CCDC88A: variants seen among roughly 807,000 people sequenced by gnomAD.
CCDC88A encodes coiled-coil and HOOK domain protein 88A.
Under a neutral mutation model 234.3 loss-of-function variants are expected in CCDC88A, and 54 were observed. That is an observed-to-expected ratio of 0.23 (90% CI 0.19 to 0.29). CCDC88A has a LOEUF of 0.29. CCDC88A is among the 10% of genes least tolerant of loss of function. The probability of loss-of-function intolerance (pLI) is 1.00; values close to 1 mark genes in which losing one functional copy is unlikely to be tolerated. For missense variants in CCDC88A, 1,832 were observed against 2,123.4 expected (o/e 0.86, Z 2.70); for synonymous variants, 753 against 737.8 (o/e 1.02, Z -0.33).
At chr2:55,327,809 C>G (rs1357267798) in intron 17 of CCDC88A, among the ~76,000 whole-genome samples, 1 of 152,222 alleles carries the variant, frequency 6.6e-6, no homozygotes, top group African/African-American at 2.4e-5. Flanking sequence ...ACTTACTTCA[C>G]TGAATACTTT....
In CCDC88A at chr2:55,394,840, T is replaced by C. The variant is rs1236515970; in HGVS notation, c.165-5954A>G. 2.6e-5 allele frequency among the ~76,000 whole-genome samples: 4 copies of C among 151,086 alleles called. No homozygotes were observed. The South Asian group carries it at 6.2e-4, about 24-fold the overall frequency. ...AAAAAAAAAAAGAAAAAAAATGTTT[T>C]TGTTTTTGTTTTTGTTTTTTTTTGA... On this transcript the variant is annotated intron_variant, in intron 2 of 32. Transcript: ENST00000436346.
chr2:55,367,483 T>G (rs960657882), intron 5 of CCDC88A, among the ~76,000 whole-genome samples: 2 of 150,378 alleles, frequency 1.3e-5, no homozygotes, highest in Admixed American at 6.7e-5. Context: ...TTTTTAAATA[T>G]TCTCAGAAAA....
chr2:55,396,294 A>G (rs913081966), intron 2 of CCDC88A, among the ~76,000 whole-genome samples: 11 of 152,114 alleles, frequency 7.2e-5, no homozygotes, highest in African/African-American at 2.4e-4. Context: ...ATTTGCAAAC[A>G]TTTTCAGTAA....
intron 29 of CCDC88A, among the ~76,000 whole-genome samples, chr2:55,298,743 T>C (rs1283474641): frequency 6.6e-6 from 1 of 151,752 alleles, no homozygotes; most frequent in Non-Finnish European, 1.5e-5. Context: ...CATGGTGGCA[T>C]GGGTCTCTGT....
chr2:55,406,395 G>A (rs1484154009), intron 2 of CCDC88A, among the ~76,000 whole-genome samples: 1 of 152,120 alleles, frequency 6.6e-6, no homozygotes, highest in Non-Finnish European at 1.5e-5. Flanking sequence ...TGGGGGTTTT[G>A]TCTTTCCATT....
chr2:55,296,979 T>C (rs1573988650), intron 29 of CCDC88A: 1 of 153,666 alleles, frequency 6.5e-6, no homozygotes, highest in Non-Finnish European at 1.4e-5. Context: ...GGTCAGGAGT[T>C]GGAGACCAGC....
intron 7 of CCDC88A, among the ~76,000 whole-genome samples, chr2:55,358,402 G>C (rs937557668): frequency 5.3e-5 from 8 of 152,072 alleles, no homozygotes; most frequent in African/African-American, 1.9e-4. Context: ...AGATGATAAA[G>C]CTCTAACAGA....
Position 55,419,181 on chromosome 2 carries a change from C to G in CCDC88A, c.-102G>C. The G allele has an allele frequency of 1.4e-6, 1 of 733,418 alleles. No homozygotes were observed. Among genetic ancestry groups the G allele is most frequent in the Non-Finnish European group, 2.3e-6 (1 of 426,668 alleles). 45.4% of individuals were successfully genotyped at this position (733,418 alleles called of 1,614,324 possible). A position where few individuals can be genotyped will look rare whatever the true frequency, so the allele number is the denominator to read the frequency against. Reference sequence around the variant, plus strand: ...AGTAGAAATCAATGAAAGTCCATTTCGGCAAGGGAGAAAAATCCCATCGTG... The same window carrying G: ...AGTAGAAATCAATGAAAGTCCATTTGGGCAAGGGAGAAAAATCCCATCGTG... On this transcript the variant is annotated 5_prime_UTR_variant, in exon 1 of 33. Transcript: ENST00000436346.
rs140794014 is a variant in CCDC88A at position 55,296,263 on chromosome 2, C to T, written c.5086G>A (p.Val1696Ile). Residue 1696 changes from valine (V) to isoleucine (I), a missense_variant, in exon 30 of 33, where the codon GTA (valine) becomes ATA (isoleucine). This residue lies in a region of CCDC88A where 422 missense variants were observed against 416.5 expected (regional missense o/e 1.01). Coordinates refer to ENST00000436346, the MANE Select transcript of CCDC88A (RefSeq NM_001365480.1). ...TCATCATAGATAAAACTAACCTGTA[C>T]TGAGGTAAGCTTATTGCTTTCTTCC... ...FLEESNKLTS[V>I]QIKSSSQENL... 415 of 1,613,564 alleles carry T rather than the reference C, an allele frequency of 2.6e-4. No individual in the cohort carries two copies. The highest frequency in any genetic ancestry group is 3.1e-4 in the Non-Finnish European group (369 of 1,179,834).
At chr2:55,398,738 C>A (rs1281481497) in intron 2 of CCDC88A, among the ~76,000 whole-genome samples, 1 of 151,866 alleles carries the variant, frequency 6.6e-6, no homozygotes. Context: ...CACAGTGAAA[C>A]CTCATCTCCA....
At chr2:55,418,586 G>C (rs891207031) in intron 2 of CCDC88A, 6 of 562,872 alleles carry the variant, frequency 1.1e-5, no homozygotes, top group Admixed American at 6.1e-5. Context: ...GACAATACAT[G>C]GTTGACAGAA....
At chr2:55,382,245 A>G (rs748330965) in intron 3 of CCDC88A, among the ~76,000 whole-genome samples, 14 of 152,220 alleles carry the variant, frequency 9.2e-5, no homozygotes, top group Non-Finnish European at 1.9e-4. Flanking sequence ...TAGAAGTTAA[A>G]GAAAAACCTA....
In CCDC88A at chr2:55,288,935, G is replaced by C. The variant is rs948677776; in HGVS notation, c.*2265C>G. On this transcript the variant is annotated 3_prime_UTR_variant, in exon 33 of 33. Coordinates refer to ENST00000436346, the MANE Select transcript of CCDC88A (RefSeq NM_001365480.1). Reference sequence around the variant, plus strand: ...ATACTGGAGAAAGTAAAATATTCATGTGGTTACTACTGTCTAGTCGTTTCT... The same window carrying C: ...ATACTGGAGAAAGTAAAATATTCATCTGGTTACTACTGTCTAGTCGTTTCT... 6.6e-6 allele frequency: 1 copy of C among 152,176 alleles called. No homozygotes were observed. The highest frequency in any genetic ancestry group is 1.5e-5 in the Non-Finnish European group (1 of 68,012). 9.4% of individuals were successfully genotyped at this position (152,176 alleles called of 1,614,324 possible). A position where few individuals can be genotyped will look rare whatever the true frequency, so the allele number is the denominator to read the frequency against.
chr2:55,374,201 C>T (rs1031278403), intron 4 of CCDC88A, among the ~76,000 whole-genome samples: 2 of 152,140 alleles, frequency 1.3e-5, no homozygotes, highest in African/African-American at 4.8e-5. Flanking sequence ...TGGTAAAACC[C>T]TGTCTCTACT....
Position 55,374,839 on chromosome 2 carries a change from T to C in CCDC88A, c.318A>G (p.Leu106=). The change falls in exon 4 of 33, where the codon TTA becomes TTG. Residue 106 remains leucine, a synonymous_variant. Transcript: ENST00000436346. ...CAGAAAAGGGATTTTTGCCAATGAT[T>C]AAGACATTTGGCAACGACATCATGA... The part of the protein sequence containing the change: ...QLIMMSLPNV[L]IIGKNPFSEQ... 6.2e-7 allele frequency: 1 copy of C among 1,608,344 alleles called. No individual in the cohort carries two copies. The highest frequency in any genetic ancestry group is 2.2e-5 in the East Asian group (1 of 44,708).
At chr2:55,365,292 AG>A (rs2104794396) in intron 5 of CCDC88A, among the ~76,000 whole-genome samples, 1 of 152,250 alleles carries the variant, frequency 6.6e-6, no homozygotes, top group East Asian at 1.9e-4. Flanking sequence ...AGAACAATTA[AG>A]AATTACGTTC....
intron 7 of CCDC88A, among the ~76,000 whole-genome samples, chr2:55,360,605 CATTTT>C (rs1271501615): frequency 2.0e-5 from 3 of 152,308 alleles, no homozygotes; most frequent in African/African-American, 7.2e-5. Context: ...CAGGATAACA[CATTTT>C]AAAAGGTTTT....
chr2:55,311,927 C>G (rs1359595358), intron 23 of CCDC88A, among the ~76,000 whole-genome samples: 1 of 152,030 alleles, frequency 6.6e-6, no homozygotes, highest in African/African-American at 2.4e-5. Flanking sequence ...TCTATTGCAC[C>G]CCTCCTTTCC....
intron 13 of CCDC88A, 33 bp downstream of exon 13, chr2:55,339,431 T>A (rs1446366093): frequency 2.1e-6 from 3 of 1,413,022 alleles, no homozygotes; most frequent in Middle Eastern, 1.9e-4. Flanking sequence ...CAAGTTTTTT[T>A]AACATTAAAA....
Sources: allele counts gnomAD v4.1 joint callset (sites outside exome capture counted in the v4.1 genomes callset), GRCh38; gene constraint gnomAD v4.1.1; regional missense constraint gnomAD v4.1.1; transcripts MANE v1.5; gene names NCBI Gene and HGNC (gene_info 2026-07-23, HGNC 2026-07-21).